Variants in TMOD1 observed in about 807,000 individuals in gnomAD.
The protein encoded by TMOD1 is tropomodulin 1.
In TMOD1, 17 loss-of-function variants were observed where a neutral mutation model predicts 40.6. The observed-to-expected ratio is 0.42, with a 90% CI of 0.29 to 0.63. The LOEUF is 0.63. TMOD1 is among the 20% of genes least tolerant of loss of function. The probability of loss-of-function intolerance (pLI) is 0.22; values close to 1 mark genes in which losing one functional copy is unlikely to be tolerated. For synonymous variants in TMOD1, 181 were observed against 175.0 expected (o/e 1.03, Z -0.27); for missense variants, 391 against 447.6 (o/e 0.87, Z 1.14).
At chr9:97,577,524 C>T (rs1563996587) in intron 8 of TMOD1, among the ~76,000 whole-genome samples, 1 of 152,208 alleles carries the variant, frequency 6.6e-6, no homozygotes, top group Non-Finnish European at 1.5e-5. Context: ...CATAGTGGCT[C>T]ATGCCTGTAA....
intron 8 of TMOD1, among the ~76,000 whole-genome samples, chr9:97,583,137 T>C (rs767108233): frequency 0.08 from 12,012 of 150,232 alleles, 517 homozygotes; most frequent in African/African-American, 0.093. Context: ...GGCTGTGGGT[T>C]TGTCATAGGT....
At chr9:97,544,660 G>A (rs1271030985) in intron 2 of TMOD1, among the ~76,000 whole-genome samples, 1 of 152,116 alleles carries the variant, frequency 6.6e-6, no homozygotes, top group Non-Finnish European at 1.5e-5. Flanking sequence ...CCCTCACAGA[G>A]GCAGCTTTCA....
At chr9:97,595,251 T>C (rs1826084331) in intron 9 of TMOD1, among the ~76,000 whole-genome samples, 1 of 152,240 alleles carries the variant, frequency 6.6e-6, no homozygotes, top group African/African-American at 2.4e-5. Context: ...TTTTTAGCAA[T>C]TTTGAAATGT....
chr9:97,519,971 C>T (rs752207977), intron 1 of TMOD1, among the ~76,000 whole-genome samples: 3 of 152,082 alleles, frequency 2.0e-5, no homozygotes, highest in Non-Finnish European at 1.5e-5. Flanking sequence ...TACGGTTAGC[C>T]TCTCACTATG....
chr9:97,550,601 T>C (rs1233632308), intron 3 of TMOD1, among the ~76,000 whole-genome samples: 1 of 152,208 alleles, frequency 6.6e-6, no homozygotes, highest in East Asian at 1.9e-4. Context: ...GTAGTTTTGA[T>C]TTGCATCTCC....
At chr9:97,572,614 G>A (rs971893220) in intron 8 of TMOD1, among the ~76,000 whole-genome samples, 4 of 152,192 alleles carry the variant, frequency 2.6e-5, no homozygotes, top group Non-Finnish European at 4.4e-5. Flanking sequence ...GCAGGGCAGT[G>A]TGACACAGAG....
chr9:97,536,314 G>A (rs548680951), intron 2 of TMOD1, among the ~76,000 whole-genome samples: 3 of 152,300 alleles, frequency 2.0e-5, no homozygotes, highest in African/African-American at 7.2e-5. Context: ...GCTGGCCTGT[G>A]ATAGGTTTGG....
intron 6 of TMOD1, among the ~76,000 whole-genome samples, chr9:97,564,406 C>T (rs535332941): frequency 2.0e-5 from 3 of 152,280 alleles, no homozygotes; most frequent in African/African-American, 7.2e-5. Flanking sequence ...TGATATCAGG[C>T]CCAGATGTTT....
chr9:97,511,531 T>A (rs947309432), intron 1 of TMOD1, among the ~76,000 whole-genome samples: 2 of 152,200 alleles, frequency 1.3e-5, no homozygotes, highest in African/African-American at 4.8e-5. Context: ...TAGAGACAGG[T>A]GCTCACTACT....
At chr9:97,572,874 T>C (rs1830842967) in intron 8 of TMOD1, among the ~76,000 whole-genome samples, 3 of 152,064 alleles carry the variant, frequency 2.0e-5, no homozygotes, top group Admixed American at 2.0e-4. Flanking sequence ...AAATAGTCTC[T>C]CTATCTCCAA....
chr9:97,508,252 G>A (rs578172024), intron 1 of TMOD1, among the ~76,000 whole-genome samples: 25 of 151,740 alleles, frequency 1.6e-4, no homozygotes, highest in African/African-American at 5.1e-4. Context: ...GCAGTGGGGC[G>A]ATCTCAGCTC....
At chr9:97,577,030 A>G (rs369229905) in intron 8 of TMOD1, among the ~76,000 whole-genome samples, 1 of 152,174 alleles carries the variant, frequency 6.6e-6, no homozygotes, top group Non-Finnish European at 1.5e-5. Flanking sequence ...TTAATATCAT[A>G]TGAATTGTTA....
rs145675366 is a variant in TMOD1, at chr9:97,507,925, G to A, written c.-49+6122G>A. 3.7e-4 allele frequency among the ~76,000 whole-genome samples: 57 copies of A among 152,264 alleles called. No individual in the cohort carries two copies. In the East Asian group the frequency reaches 5.8e-3, roughly 15 times the overall value. ...AGACAGAGGGCATAGTAGTTAAGGC[G>A]GACTCCGGATCAGTCTGCACAAGGC... On this transcript the variant is annotated intron_variant, in intron 1 of 9. Transcript: ENST00000259365.
chr9:97,558,226 C>T (rs1563990070), intron 4 of TMOD1, among the ~76,000 whole-genome samples: 1 of 152,194 alleles, frequency 6.6e-6, no homozygotes, highest in Non-Finnish European at 1.5e-5. Flanking sequence ...TATGTAACCT[C>T]CTAGAATAAA....
chr9:97,535,602 A>AC (rs1267548157), intron 2 of TMOD1, among the ~76,000 whole-genome samples: 1 of 152,172 alleles, frequency 6.6e-6, no homozygotes, highest in East Asian at 1.9e-4. Context: ...GTCTCAGGAT[A>AC]CCCAGTCCCC....
chr9:97,582,436 T>A (rs1411357848), intron 8 of TMOD1, among the ~76,000 whole-genome samples: 1 of 148,406 alleles, frequency 6.7e-6, no homozygotes. Flanking sequence ...GGTAGTGTGA[T>A]GCCTCCAGCT....
At chr9:97,577,243 C>T (rs1476648884) in intron 8 of TMOD1, among the ~76,000 whole-genome samples, 1 of 152,194 alleles carries the variant, frequency 6.6e-6, no homozygotes, top group East Asian at 1.9e-4. Context: ...GGCAGTTCCT[C>T]AGCGTGTGGA....
At chr9:97,555,696 A>G (rs1830527066) in intron 4 of TMOD1, 1 of 1,549,880 alleles carries the variant, frequency 6.5e-7, no homozygotes, top group Non-Finnish European at 8.7e-7. Context: ...ACCACCTACC[A>G]TGTCCCAGGT....
At chr9:97,538,935 G>A (rs1830233066) in intron 2 of TMOD1, among the ~76,000 whole-genome samples, 1 of 152,090 alleles carries the variant, frequency 6.6e-6, no homozygotes, top group South Asian at 2.1e-4. Context: ...AACCTGGGAG[G>A]TGGAGGTTGC....
Sources: allele counts gnomAD v4.1 joint callset (sites outside exome capture counted in the v4.1 genomes callset), GRCh38; gene constraint gnomAD v4.1.1; transcripts MANE v1.5; gene names NCBI Gene and HGNC (gene_info 2026-07-23, HGNC 2026-07-21).